Variants in CCNG2 observed in about 807,000 individuals in gnomAD.
CCNG2 encodes the protein cyclin-G2.
A neutral mutation model predicts 36.5 loss-of-function variants in CCNG2; 20 were observed. The ratio of observed to expected loss-of-function variants is 0.55; its 90% CI spans 0.39 to 0.80. The LOEUF (loss-of-function observed/expected upper bound fraction) is 0.80, where lower values mean the gene tolerates loss of function less well. CCNG2 is among the 30% of genes least tolerant of loss of function. The pLI, the probability that CCNG2 is intolerant of heterozygous loss-of-function variation, is 0.00. For missense variants in CCNG2, 358 were observed against 390.8 expected, an observed-to-expected ratio of 0.92 and a Z score of 0.71; for synonymous variants, 155 against 140.1, an observed-to-expected ratio of 1.11 and a Z score of -0.75.
At chr4:77,161,097 A>ATATTTT in intron 4 of CCNG2, 126 bp downstream of exon 4, 3 of 475,132 alleles carry the variant, frequency 6.3e-6, no homozygotes, top group African/African-American at 3.1e-5. Flanking sequence ...TTATTGGTAA[A>ATATTTT]TCTTTTTTTT....
intron 1 of CCNG2, chr4:77,158,297 G>A (rs946939747): frequency 1.5e-5 from 8 of 521,060 alleles, no homozygotes; most frequent in African/African-American, 1.4e-4. Flanking sequence ...AGGGCTGGCC[G>A]GTCTTACCCA....
chr4:77,165,964 C>G lies in CCNG2; in HGVS notation c.*40C>G, dbSNP rs1178114785. 6.4e-7 allele frequency: 1 copy of G among 1,564,178 alleles called. No individual in the cohort carries two copies. The highest frequency in any genetic ancestry group is 8.6e-7 in the Non-Finnish European group (1 of 1,157,860). ...TGTCAGAATTTATATTTACAGGTTT[C>G]AAAGCAATAAATGGGGGAATAGGTA... On this transcript the variant is annotated 3_prime_UTR_variant, in exon 8 of 8. Coordinates refer to ENST00000316355, the MANE Select transcript of CCNG2 (RefSeq NM_004354.3).
intron 3 of CCNG2, 73 bp downstream of exon 3, chr4:77,159,577 A>G: frequency 7.0e-7 from 1 of 1,423,366 alleles, no homozygotes; most frequent in East Asian, 2.3e-5. Flanking sequence ...TTCAAGAAAT[A>G]TTTATCGAAT....
At position 77,168,940 on chromosome 4, in the gene CCNG2, G is replaced by T. The variant is rs1307952300; in HGVS notation, c.*3016G>T. 1 of 152,270 alleles carries T rather than the reference G, an allele frequency of 6.6e-6. No individual in the cohort carries two copies. Among genetic ancestry groups the T allele is most frequent in the Non-Finnish European group, 1.5e-5 (1 of 68,072 alleles). 9.4% of individuals were successfully genotyped at this position (152,270 alleles called of 1,614,324 possible). A position where few individuals can be genotyped will look rare whatever the true frequency, so the allele number is the denominator to read the frequency against. On this transcript the variant is annotated 3_prime_UTR_variant, in exon 8 of 8. Coordinates refer to ENST00000316355, the MANE Select transcript of CCNG2 (RefSeq NM_004354.3). The stretch of plus-strand genomic sequence containing the variant: ...AGGTTTTGATCCTGTCATTTTCTAG[G>T]ATGTGGTGCACGCACTTTGCTGTTG...
rs551649734 is a variant in CCNG2 at position 77,169,859 on chromosome 4, G to A, written c.*3935G>A. On this transcript the variant is annotated 3_prime_UTR_variant, in exon 8 of 8. Transcript: ENST00000316355. The stretch of plus-strand genomic sequence containing the variant: ...ATAACAAATTATTGTTTTAAGCCAC[G>A]AGGTTTTGGGGGAGGGTTGTTAAAC... The A allele has an allele frequency of 6.6e-6, 1 of 152,208 alleles. No individual in the cohort carries two copies. The highest frequency in any genetic ancestry group is 2.1e-4 in the South Asian group (1 of 4,834). The allele number at this position is 152,208 out of a possible 1,614,324, so 9.4% of individuals were successfully genotyped here. A position where few individuals can be genotyped will look rare whatever the true frequency, so the allele number is the denominator to read the frequency against.
rs1011578710 is a variant in CCNG2 at position 77,167,721 on chromosome 4, T to C, written c.*1797T>C. The C allele has an allele frequency of 1.3e-5, 2 of 152,186 alleles. No homozygotes were observed. Among genetic ancestry groups the C allele is most frequent in the African/African-American group, 4.8e-5 (2 of 41,440 alleles). 9.4% of individuals were successfully genotyped at this position (152,186 alleles called of 1,614,324 possible). On this transcript the variant is annotated 3_prime_UTR_variant, in exon 8 of 8. Transcript: ENST00000316355. ...AGTTTGATTTTTGTAGACCTTTGTT[T>C]TCTCTAGTTAGAAAATCAGGTACAC... is the stretch of plus-strand genomic sequence containing the variant.
intron 7 of CCNG2, among the ~76,000 whole-genome samples, chr4:77,165,424 C>G (rs555839655): frequency 5.8e-5 from 8 of 137,552 alleles, no homozygotes; most frequent in Admixed American, 1.4e-4. Context: ...TATTTTCTTT[C>G]TTTCTTTCTT....
chr4:77,165,513 C>G (rs1227656183), intron 7 of CCNG2, among the ~76,000 whole-genome samples: 1 of 151,164 alleles, frequency 6.6e-6, no homozygotes, highest in Non-Finnish European at 1.5e-5. Context: ...TGCCATGTTG[C>G]CCAGGCTAGT....
chr4:77,158,361 C>G, intron 1 of CCNG2, 172 bp from the exon 2 acceptor site: 1 of 614,758 alleles, frequency 1.6e-6, no homozygotes, highest in South Asian at 2.0e-5. Flanking sequence ...CCTCCCTGGC[C>G]GTGGTGGGGA....
rs1731443757 is a variant in CCNG2, at chr4:77,161,715, G to A, written c.673G>A (p.Glu225Lys). 1 of 1,609,632 alleles carries A rather than the reference G, an allele frequency of 6.2e-7. No individual in the cohort carries two copies. The highest frequency in any genetic ancestry group is 8.5e-7 in the Non-Finnish European group (1 of 1,178,214). The change falls in exon 6 of 8, where the codon GAA becomes AAA. Residue 225 changes from glutamate to lysine, a missense_variant. Physicochemically the swap from Glu to Lys is moderately conservative, Grantham distance 56. Transcript: ENST00000316355. ...VETLKSVELLEILLLVKKHSK... is the reference protein window; with the variant it reads ...VETLKSVELLKILLLVKKHSK... Reference sequence around the variant, plus strand: ...AACTTTGAAATCTGTTGAATTACTGGAAATTCTCTTGCTAGTTAAAAAACA... The same window carrying A: ...AACTTTGAAATCTGTTGAATTACTGAAAATTCTCTTGCTAGTTAAAAAACA...
chr4:77,161,099 C>CT (rs34505988), intron 4 of CCNG2, 128 bp downstream of exon 4: 13,478 of 304,990 alleles, frequency 0.044, 27 homozygotes, highest in Middle Eastern at 0.069. Context: ...ATTGGTAAAT[C>CT]TTTTTTTTTT....
At chr4:77,158,485 C>T in intron 1 of CCNG2, 48 bp from the exon 2 acceptor site, 2 of 1,605,584 alleles carry the variant, frequency 1.2e-6, no homozygotes, top group Non-Finnish European at 8.5e-7. Flanking sequence ...CGCTTCCCCA[C>T]CCCTCTTACC....
intron 3 of CCNG2, 106 bp downstream of exon 3, chr4:77,159,610 C>A (rs763013707): frequency 6.1e-5 from 63 of 1,035,076 alleles, no homozygotes; most frequent in Non-Finnish European, 8.1e-5. Flanking sequence ...GTCCACTGTA[C>A]ATAAAAATTT....
intron 3 of CCNG2, among the ~76,000 whole-genome samples, chr4:77,160,307 T>C (rs1306635314): frequency 6.6e-6 from 1 of 151,996 alleles, no homozygotes; most frequent in Non-Finnish European, 1.5e-5. Flanking sequence ...TGAACCTGCA[T>C]GGAAATTTTT....
intron 3 of CCNG2, 92 bp downstream of exon 3, chr4:77,159,596 T>C (rs1731371436): frequency 2.5e-6 from 3 of 1,188,822 alleles, no homozygotes; most frequent in Non-Finnish European, 3.6e-6. Context: ...ATGGGTATAA[T>C]AACGTCCACT....
chr4:77,165,424 CTT>C (rs1262292382), intron 7 of CCNG2, among the ~76,000 whole-genome samples: 3 of 137,462 alleles, frequency 2.2e-5, no homozygotes, highest in African/African-American at 7.6e-5. Flanking sequence ...TATTTTCTTT[CTT>C]TCTTTCTTTT....
chr4:77,167,064 A>G lies in CCNG2; in HGVS notation c.*1140A>G, dbSNP rs534374071. 6.6e-6 allele frequency: 1 copy of G among 152,278 alleles called. No homozygotes were observed. The allele number at this position is 152,278 out of a possible 1,614,324, so 9.4% of individuals were successfully genotyped here. On this transcript the variant is annotated 3_prime_UTR_variant, in exon 8 of 8. Transcript: ENST00000316355. Reference sequence around the variant, plus strand: ...TAGTCTAGTCATTGCATGTAAATATAATTTATTATGTATTCTGTAGTATAA... The same window carrying G: ...TAGTCTAGTCATTGCATGTAAATATGATTTATTATGTATTCTGTAGTATAA...
chr4:77,163,101 A>G (rs1731530986), intron 6 of CCNG2, among the ~76,000 whole-genome samples: 1 of 152,148 alleles, frequency 6.6e-6, no homozygotes, highest in Non-Finnish European at 1.5e-5. Flanking sequence ...GTTTTGGAAT[A>G]AGAAGATAAA....
At position 77,166,325 on chromosome 4, in the gene CCNG2, G is replaced by A. The variant is rs1189825386; in HGVS notation, c.*401G>A. ...AGTATGCAAGTGCTTCCTTAGCAGG[G>A]ACAGTGGATAATCCTTAATGGTTTA... On this transcript the variant is annotated 3_prime_UTR_variant, in exon 8 of 8. Transcript: ENST00000316355. 1 of 153,590 alleles carries A rather than the reference G, an allele frequency of 6.5e-6. No individual in the cohort carries two copies. Among genetic ancestry groups the A allele is most frequent in the Non-Finnish European group, 1.5e-5 (1 of 68,774 alleles). 9.5% of individuals were successfully genotyped at this position (153,590 alleles called of 1,614,324 possible). A position where few individuals can be genotyped will look rare whatever the true frequency, so the allele number is the denominator to read the frequency against.
Sources: gnomAD v4.1 joint callset for allele counts (sites outside exome capture counted in the v4.1 genomes callset) on GRCh38, gnomAD v4.1.1 for gene constraint, MANE v1.5 for transcripts, NCBI Gene and HGNC (gene_info 2026-07-23, HGNC 2026-07-21) for gene names.